CCDC42: variants seen among roughly 807,000 people sequenced by gnomAD.
CCDC42 encodes coiled-coil domain containing 42.
In CCDC42, 38 loss-of-function variants were observed where a neutral mutation model predicts 40.8. That is an observed-to-expected ratio of 0.93 (90% CI 0.72 to 1.22). The LOEUF (loss-of-function observed/expected upper bound fraction) is 1.22, where lower values mean the gene tolerates loss of function less well. CCDC42 is among the 50% of genes most tolerant of loss of function. CCDC42 has a pLI of 0.00. For missense variants in CCDC42, 379 were observed against 416.5 expected, an observed-to-expected ratio of 0.91 and a Z score of 0.78; for synonymous variants, 135 against 157.5, an observed-to-expected ratio of 0.86 and a Z score of 1.07.
At chr17:8,739,689 C>G (rs570649407) in intron 4 of CCDC42, among the ~76,000 whole-genome samples, 1 of 152,282 alleles carries the variant, frequency 6.6e-6, no homozygotes, top group South Asian at 2.1e-4. Context: ...ATTACAGGTG[C>G]TTGCCATCAC....
chr17:8,735,407 T>C lies in CCDC42; in HGVS notation c.697A>G (p.Ser233Gly). ...CCCCTCACCCAGAAGATGACATTGC[T>C]GCGGGCACGGTCAAAGCGCATCTGC... ...RLQMRFDRAR[S>G]NVIFWESRWA... Residue 233 changes from serine (S) to glycine (G), a missense_variant, in exon 5 of 7, where the codon AGC becomes GGC. Ser to Gly is a moderately conservative substitution (Grantham distance 56). Coordinates refer to ENST00000293845, the MANE Select transcript of CCDC42 (RefSeq NM_144681.3). This position sits in a 1 kb window ranked among gnomAD's most constrained non-coding sequence, Gnocchi z 4.7. 1 of 1,613,952 alleles carries C rather than the reference T, an allele frequency of 6.2e-7. No homozygotes were observed. Among genetic ancestry groups the C allele is most frequent in the Non-Finnish European group, 8.5e-7 (1 of 1,180,016 alleles).
At chr17:8,741,745 G>T in intron 3 of CCDC42, 74 bp from the exon 4 acceptor site, 1 of 1,450,176 alleles carries the variant, frequency 6.9e-7, no homozygotes, top group Non-Finnish European at 9.4e-7. Flanking sequence ...TCCTGGGGCT[G>T]GTGGTGCCCT....
rs762104488 is a variant in CCDC42, at chr17:8,743,676, T to C, written c.244A>G (p.Lys82Glu). The C allele has an allele frequency of 6.2e-7, 1 of 1,613,020 alleles. No homozygotes were observed. The highest frequency in any genetic ancestry group is 8.5e-7 in the Non-Finnish European group (1 of 1,179,060). Residue 82 changes from lysine (K) to glutamate (E), a missense_variant, in exon 3 of 7, where the codon AAG becomes GAG. Lys to Glu is a moderately conservative substitution (Grantham distance 56). Coordinates refer to ENST00000293845, the MANE Select transcript of CCDC42 (RefSeq NM_144681.3). Reference sequence around the variant, plus strand: ...ATGTGAGCCTTCAGTTGGGCTTCCTTAACGCCCAGTTCCTCCCAGCGCAGG... The same window carrying C: ...ATGTGAGCCTTCAGTTGGGCTTCCTCAACGCCCAGTTCCTCCCAGCGCAGG... ...LNLRWEELGVKEAQLKAHIQK... is the reference protein window; with the variant it reads ...LNLRWEELGVEEAQLKAHIQK...
At chr17:8,743,347 A>G (rs2086656244) in intron 3 of CCDC42, among the ~76,000 whole-genome samples, 1 of 152,216 alleles carries the variant, frequency 6.6e-6, no homozygotes, top group Non-Finnish European at 1.5e-5. Context: ...TCATCCATGC[A>G]TTCATTTACT....
chr17:8,737,508 G>T (rs577144771), intron 4 of CCDC42, among the ~76,000 whole-genome samples: 45 of 152,192 alleles, frequency 3.0e-4, no homozygotes, highest in African/African-American at 1.0e-3. Flanking sequence ...CTTTCTCTGC[G>T]AGACCCACAT....
At chr17:8,738,548 C>T (rs954012702) in intron 4 of CCDC42, among the ~76,000 whole-genome samples, 4 of 151,224 alleles carry the variant, frequency 2.6e-5, no homozygotes, top group African/African-American at 9.7e-5. Context: ...TCACTGCAAC[C>T]TCTGCCTCCC....
At chr17:8,744,466 G>T in intron 1 of CCDC42, 61 bp downstream of exon 1, 1 of 1,334,874 alleles carries the variant, frequency 7.5e-7, no homozygotes, top group Non-Finnish European at 1.1e-6. Flanking sequence ...GATGAGGTAT[G>T]GGGTGGGTGT....
At chr17:8,743,575 C>T in intron 3 of CCDC42, 51 bp downstream of exon 3, 1 of 1,070,102 alleles carries the variant, frequency 9.3e-7, no homozygotes, top group Non-Finnish European at 1.5e-6. Context: ...GTTTGCCCAC[C>T]TGCGGACTAT....
chr17:8,735,034 C>G lies in CCDC42; in HGVS notation c.873+62G>C. 7 of 1,583,576 alleles carry G rather than the reference C, an allele frequency of 4.4e-6. No homozygotes were observed. The highest frequency in any genetic ancestry group is 6.0e-6 in the Non-Finnish European group (7 of 1,157,366). On this transcript the variant is annotated intron_variant, in intron 6 of 6. Transcript: ENST00000293845. The surrounding 1 kb of genome is among the most constrained non-coding windows in gnomAD (Gnocchi z 4.7). The stretch of plus-strand genomic sequence containing the variant: ...TGTCAGGTTCATTCTTCCACCCAAC[C>G]AACTGGCAACCTCCTCGGCCCAGCC...
intron 1 of CCDC42, 151 bp from the exon 2 acceptor site, chr17:8,744,335 G>A: frequency 1.4e-6 from 1 of 729,050 alleles, no homozygotes; most frequent in South Asian, 1.7e-5. Flanking sequence ...GAAGCATAGA[G>A]GGCCATGCAG....
rs1285551885 is a variant in CCDC42 at position 8,730,144 on chromosome 17, G to A, written c.937C>T (p.Arg313Ter). ...AGGCTGCCTCCTTAAATCCGGACTCGCTGTTGTTCCTTCTTTTTCACCTCT... is the reference window on the plus strand; with the variant it reads ...AGGCTGCCTCCTTAAATCCGGACTCACTGTTGTTCCTTCTTTTTCACCTCT... ...WAEVKKKEQQ[R>*]VRI Residue 313 changes from arginine (R) to a stop codon, truncating the protein, a stop_gained, in exon 7 of 7, where the codon CGA becomes TGA. Coordinates refer to ENST00000293845, the MANE Select transcript of CCDC42 (RefSeq NM_144681.3). LOFTEE classifies it high-confidence loss of function. 6.2e-6 allele frequency: 10 copies of A among 1,613,624 alleles called. No homozygotes were observed. Among genetic ancestry groups the A allele is most frequent in the East Asian group, 4.5e-5 (2 of 44,874 alleles).
intron 4 of CCDC42, among the ~76,000 whole-genome samples, chr17:8,739,422 T>G (rs1433401535): frequency 6.6e-6 from 1 of 152,124 alleles, no homozygotes; most frequent in Non-Finnish European, 1.5e-5. Context: ...GAGATGAGTG[T>G]GCATGGGATG....
At chr17:8,730,459 C>A (rs1453529562) in intron 6 of CCDC42, among the ~76,000 whole-genome samples, 1 of 152,190 alleles carries the variant, frequency 6.6e-6, no homozygotes, top group South Asian at 2.1e-4. Context: ...CGTGTCTCAG[C>A]CTCCTGAGTG....
At chr17:8,730,629 T>G (rs982683278) in intron 6 of CCDC42, among the ~76,000 whole-genome samples, 1 of 152,170 alleles carries the variant, frequency 6.6e-6, no homozygotes, top group Non-Finnish European at 1.5e-5. Context: ...CATGAGACAC[T>G]GCACCCAACC....
intron 3 of CCDC42, among the ~76,000 whole-genome samples, chr17:8,743,235 G>C (rs758097297): frequency 1.1e-4 from 17 of 152,174 alleles, no homozygotes; most frequent in Non-Finnish European, 2.4e-4. Context: ...TCAGTGCAAG[G>C]ACAAGGATGG....
intron 6 of CCDC42, among the ~76,000 whole-genome samples, chr17:8,732,566 G>A (rs1195785979): frequency 1.3e-5 from 2 of 152,132 alleles, no homozygotes; most frequent in Non-Finnish European, 2.9e-5. Context: ...ACAGGTCAGC[G>A]TTTCCTGAGC....
Position 8,744,549 on chromosome 17 carries a change from C to A in CCDC42, c.61G>T (p.Glu21Ter). The change falls in exon 1 of 7, where the codon GAG becomes TAG. Residue 21 changes from glutamate to a stop codon, truncating the protein, a stop_gained. Transcript: ENST00000293845. LOFTEE classifies it high-confidence loss of function. ...LAEYFRLQYG[E>*]RLLQMLQKLP... ...CACTGGAGCATCTGCAGCAGCCGCT[C>A]CCCATACTGCAGCCGGAAGTACTCG... 6.2e-7 allele frequency: 1 copy of A among 1,612,244 alleles called. No homozygotes were observed.
In CCDC42 at chr17:8,744,141, A is replaced by G; in HGVS notation, c.127T>C (p.Trp43Arg). 2 of 1,613,984 alleles carry G rather than the reference A, an allele frequency of 1.2e-6. No homozygotes were observed. The highest frequency in any genetic ancestry group is 1.7e-6 in the Non-Finnish European group (2 of 1,179,966). Residue 43 changes from tryptophan (W) to arginine (R), a missense_variant, in exon 2 of 7, where the codon TGG becomes CGG. Transcript: ENST00000293845. ...VEGASESPSI[W>R]LLEKKKETEI... Reference sequence around the variant, plus strand: ...GTCTCCTTTTTCTTCTCCAGTAGCCAGATGGATGGGGACTCCGACGCCCCC... The same window carrying G: ...GTCTCCTTTTTCTTCTCCAGTAGCCGGATGGATGGGGACTCCGACGCCCCC...
intron 6 of CCDC42, among the ~76,000 whole-genome samples, chr17:8,730,715 C>T (rs1312613454): frequency 6.6e-6 from 1 of 151,946 alleles, no homozygotes; most frequent in African/African-American, 2.4e-5. Flanking sequence ...TGGGTGTAGC[C>T]GATGAGAAGC....
Sources: gnomAD v4.1 joint callset for allele counts (sites outside exome capture counted in the v4.1 genomes callset) on GRCh38, gnomAD v4.1.1 for gene constraint, Gnocchi (gnomAD v3.1) non-coding constraint, MANE v1.5 for transcripts, NCBI Gene and HGNC (gene_info 2026-07-23, HGNC 2026-07-21) for gene names.